NR1D2: variants seen among roughly 807,000 people sequenced by gnomAD.
NR1D2 encodes nuclear receptor subfamily 1 group D member 2.
Under a neutral mutation model 52.2 loss-of-function variants are expected in NR1D2, and 25 were observed. That is an observed-to-expected ratio of 0.48 (90% CI 0.35 to 0.67). NR1D2 has a LOEUF of 0.67. Ranked by LOEUF, NR1D2 falls within the 30% of genes least tolerant of loss-of-function variation. The probability of loss-of-function intolerance (pLI) is 0.01; values close to 1 mark genes in which losing one functional copy is unlikely to be tolerated. For missense variants in NR1D2, 681 were observed against 707.2 expected (o/e 0.96, Z 0.42); for synonymous variants, 259 against 230.1 (o/e 1.13, Z -1.14).
At chr3:23,975,726 C>G (rs1289635618) in intron 7 of NR1D2, among the ~76,000 whole-genome samples, 1 of 152,102 alleles carries the variant, frequency 6.6e-6, no homozygotes, top group Non-Finnish European at 1.5e-5. Context: ...CCACTGCATT[C>G]CAGCCTGGGT....
chr3:23,972,146 A>G (rs79400161), intron 7 of NR1D2, among the ~76,000 whole-genome samples: 2,193 of 152,274 alleles, frequency 0.014, 61 homozygotes, highest in African/African-American at 0.051. Context: ...GTCAGAAGAA[A>G]TGGTAGTTAA....
At chr3:23,975,596 T>G (rs1233535189) in intron 7 of NR1D2, among the ~76,000 whole-genome samples, 2 of 151,878 alleles carry the variant, frequency 1.3e-5, no homozygotes, top group Non-Finnish European at 2.9e-5. Flanking sequence ...ATGGTGAAAC[T>G]AAAAATACGA....
rs529940221 is a variant in NR1D2 at position 23,965,400 on chromosome 3, G to A, written c.1332+238G>A. ...ACTACAGGTGTGAGCTACCACGCCC[G>A]GCTAATTTTTTTTGTTTTTTTTTTT... is the stretch of plus-strand genomic sequence containing the variant. On this transcript the variant is annotated intron_variant, in intron 6 of 7. Coordinates refer to ENST00000312521, the MANE Select transcript of NR1D2 (RefSeq NM_005126.5). 2.7e-5 allele frequency among the ~76,000 whole-genome samples: 4 copies of A among 150,356 alleles called. No individual in the cohort carries two copies. The South Asian group carries it at 8.4e-4, about 32-fold the overall frequency.
intron 7 of NR1D2, among the ~76,000 whole-genome samples, chr3:23,975,749 C>A (rs1276974083): frequency 2.0e-5 from 3 of 152,080 alleles, no homozygotes; most frequent in African/African-American, 7.2e-5. Context: ...CAGAGTGAAA[C>A]TCCATCTCAA....
At position 23,952,341 on chromosome 3, in the gene NR1D2, G is replaced by C. The variant is rs1705955686; in HGVS notation, c.17-2196G>C. 2.0e-5 allele frequency among the ~76,000 whole-genome samples: 3 copies of C among 152,148 alleles called. No homozygotes were observed. In the South Asian group the frequency reaches 6.2e-4, roughly 32 times the overall value. ...AGGCATAGGCTTCATGAATAAAACA[G>C]TGGATGGAATTGTCTACGTTAGTGA... On this transcript the variant is annotated intron_variant, in intron 1 of 7. Coordinates refer to ENST00000312521, the MANE Select transcript of NR1D2 (RefSeq NM_005126.5).
At chr3:23,951,171 C>T (rs1425732627) in intron 1 of NR1D2, among the ~76,000 whole-genome samples, 2 of 152,176 alleles carry the variant, frequency 1.3e-5, no homozygotes, top group East Asian at 3.8e-4. Flanking sequence ...TCCCAAAGTG[C>T]TGAGGTTACA....
intron 1 of NR1D2, 86 bp downstream of exon 1, chr3:23,945,680 T>A: frequency 2.7e-6 from 1 of 374,050 alleles, no homozygotes; most frequent in Non-Finnish European, 3.7e-6. Flanking sequence ...CGGCAGGGGG[T>A]GTCCCCATGG....
chr3:23,964,753 G>C, intron 5 of NR1D2: 2 of 402,106 alleles, frequency 5.0e-6, no homozygotes. Flanking sequence ...TTTTTGCTTA[G>C]GCTTTTTTTT....
chr3:23,946,370 C>T lies in NR1D2; in HGVS notation c.16+776C>T, dbSNP rs974307983. The T allele has an allele frequency of 5.6e-6, 5 of 887,062 alleles. No homozygotes were observed. In the African/African-American group the frequency reaches 7.2e-5, roughly 13 times the overall value. The allele number at this position is 887,062 out of a possible 1,614,324, so 54.9% of individuals were successfully genotyped here. A position where few individuals can be genotyped will look rare whatever the true frequency, so the allele number is the denominator to read the frequency against. The stretch of plus-strand genomic sequence containing the variant: ...TGCAGGACGAGGGCGTGCTGCAGGC[C>T]GGAGGAGGCGCCTCGGGGAAGGCGT... On this transcript the variant is annotated intron_variant, in intron 1 of 7. Coordinates refer to ENST00000312521, the MANE Select transcript of NR1D2 (RefSeq NM_005126.5).
intron 2 of NR1D2, 102 bp from the exon 3 acceptor site, chr3:23,955,935 C>T (rs2125286359): frequency 2.7e-6 from 2 of 734,240 alleles, no homozygotes; most frequent in Non-Finnish European, 4.7e-6. Flanking sequence ...TGTGTATCTT[C>T]TAAAAGCTCT....
intron 6 of NR1D2, among the ~76,000 whole-genome samples, chr3:23,965,696 T>C (rs555283919): frequency 6.6e-6 from 1 of 152,306 alleles, no homozygotes; most frequent in South Asian, 2.1e-4. Flanking sequence ...TTTTTACTTA[T>C]TATTTAGGAT....
At chr3:23,967,695 TC>T (rs1476469168) in intron 6 of NR1D2, 117 bp from the exon 7 acceptor site, 1 of 731,404 alleles carries the variant, frequency 1.4e-6, no homozygotes, top group African/African-American at 1.8e-5. Context: ...ACCCTGTTTT[TC>T]TTTTATAACT....
intron 1 of NR1D2, among the ~76,000 whole-genome samples, chr3:23,947,362 C>G (rs926687181): frequency 1.3e-5 from 2 of 152,206 alleles, no homozygotes; most frequent in African/African-American, 4.8e-5. Context: ...TTGACCATCC[C>G]CTTCCCCCTT....
In NR1D2 at chr3:23,977,405, A is replaced by G; in HGVS notation, c.1726A>G (p.Lys576Glu). The change falls in exon 8 of 8, where the codon AAA becomes GAA. Residue 576 changes from lysine (K) to glutamate (E), a missense_variant. Lys to Glu is a moderately conservative substitution (Grantham distance 56). Coordinates refer to ENST00000312521, the MANE Select transcript of NR1D2 (RefSeq NM_005126.5). ...GCACTCTGAGGAGCTCTTGGCCTTTAAAGTTCACCCTTAAGGCCTTTGTTT... is the reference window on the plus strand; with the variant it reads ...GCACTCTGAGGAGCTCTTGGCCTTTGAAGTTCACCCTTAAGGCCTTTGTTT... ...NMHSEELLAFKVHP is the reference protein window; with the variant it reads ...NMHSEELLAFEVHP The G allele has an allele frequency of 6.3e-7, 1 of 1,599,472 alleles. No homozygotes were observed. Among genetic ancestry groups the G allele is most frequent in the East Asian group, 2.2e-5 (1 of 44,810 alleles).
intron 1 of NR1D2, chr3:23,946,098 G>A (rs573169528): frequency 3.0e-6 from 3 of 984,830 alleles, no homozygotes; most frequent in East Asian, 1.1e-4. Flanking sequence ...TGGAAGCCTC[G>A]GGGCAGTGAC....
At chr3:23,974,447 A>G (rs1398473920) in intron 7 of NR1D2, among the ~76,000 whole-genome samples, 1 of 152,104 alleles carries the variant, frequency 6.6e-6, no homozygotes, top group African/African-American at 2.4e-5. Context: ...ACCCTTTTAT[A>G]TGTGGTCTGC....
At position 23,967,824 on chromosome 3, in the gene NR1D2, A is replaced by T. The variant is rs760220347; in HGVS notation, c.1344A>T (p.Val448=). 2.2e-5 allele frequency: 36 copies of T among 1,613,010 alleles called. No homozygotes were observed. Among genetic ancestry groups the T allele is most frequent in the Middle Eastern group, 3.3e-4 (2 of 6,076 alleles). ...LKAGTFEVLM[V]RFASLFDAKE... ...TTTTCTTTTTCCAGGTTTTAATGGT[A>T]CGGTTCGCATCATTATTTGATGCAA... Residue 448 remains valine (V), a synonymous_variant, in exon 7 of 8, where the codon GTA becomes GTT. Coordinates refer to ENST00000312521, the MANE Select transcript of NR1D2 (RefSeq NM_005126.5).
rs772714123 is a variant in NR1D2, at chr3:23,978,086, C to A, written c.*667C>A. ...TATTACAATTATTCATAATAATATT[C>A]TTTTCTTATTTCTAAGCCTTTCTGG... On this transcript the variant is annotated 3_prime_UTR_variant, in exon 8 of 8. Transcript: ENST00000312521. The A allele has an allele frequency of 2.6e-5, 4 of 152,070 alleles. No homozygotes were observed. Among genetic ancestry groups the A allele is most frequent in the African/African-American group, 9.7e-5 (4 of 41,396 alleles). 9.4% of individuals were successfully genotyped at this position (152,070 alleles called of 1,614,324 possible). A position where few individuals can be genotyped will look rare whatever the true frequency, so the allele number is the denominator to read the frequency against.
In NR1D2 at chr3:23,979,456, C is replaced by G. The variant is rs375847872; in HGVS notation, c.*2037C>G. ...TAATTTTTGCCTTTTGCATAAGCCT[C>G]TTTATAACATGTATCTTTAAAACAA... On this transcript the variant is annotated 3_prime_UTR_variant, in exon 8 of 8. Transcript: ENST00000312521. 36 of 152,114 alleles carry G rather than the reference C, an allele frequency of 2.4e-4. No homozygotes were observed. The East Asian group carries it at 6.2e-3, about 26-fold the overall frequency. The allele number at this position is 152,114 out of a possible 1,614,324, so 9.4% of individuals were successfully genotyped here.
Sources: gnomAD v4.1 joint callset for allele counts (sites outside exome capture counted in the v4.1 genomes callset) on GRCh38, gnomAD v4.1.1 for gene constraint, MANE v1.5 for transcripts, NCBI Gene and HGNC (gene_info 2026-07-23, HGNC 2026-07-21) for gene names.